Variants in HSP90AA1 observed in about 807,000 individuals in gnomAD.
HSP90AA1 encodes heat shock protein 90 alpha family class A member 1, also known as heat shock protein HSP 90-alpha.
HSP90AA1 carries 18 observed loss-of-function variants against 73.3 expected under a neutral mutation model. The observed-to-expected ratio is 0.25, with a 90% CI of 0.17 to 0.36. The LOEUF (loss-of-function observed/expected upper bound fraction) is 0.36, where lower values mean the gene tolerates loss of function less well. Ranked by LOEUF, HSP90AA1 falls within the 10% of genes least tolerant of loss-of-function variation. The probability of loss-of-function intolerance (pLI) is 1.00; values close to 1 mark genes in which losing one functional copy is unlikely to be tolerated. For synonymous variants in HSP90AA1, 477 were observed against 296.9 expected (o/e 1.61, Z -6.24); for missense variants, 704 against 874.2 (o/e 0.81, Z 2.45).
At chr14:102,136,178 G>T (rs77352203) in intron 1 of HSP90AA1, among the ~76,000 whole-genome samples, 1 of 152,210 alleles carries the variant, frequency 6.6e-6, no homozygotes, top group Non-Finnish European at 1.5e-5. Context: ...TTTGGTAGTT[G>T]TTTAGAAGGA....
chr14:102,105,933 G>A (rs1295420143), intron 1 of HSP90AA1, among the ~76,000 whole-genome samples: 2 of 152,082 alleles, frequency 1.3e-5, no homozygotes, highest in East Asian at 1.9e-4. Flanking sequence ...AGCCGGGTGT[G>A]GTGGTATGCA....
Position 102,082,268 on chromosome 14 carries a change from C to A in HSP90AA1, c.1932G>T (p.Glu644Asp), listed in dbSNP as rs911442924. Residue 644 changes from glutamate to aspartate, a missense_variant, in exon 10 of 11, where the codon GAG (glutamate) becomes GAT (aspartate). Glu to Asp is a conservative substitution (Grantham distance 45). Transcript: ENST00000216281. ...CAGCCTCTGCCTTTTGCCTTAAGGT[C>A]TCAATAATGGAATGGTCAGGGTTTA... ...LEINPDHSII[E>D]TLRQKAEADK... 1 of 1,613,810 alleles carries A rather than the reference C, an allele frequency of 6.2e-7. No individual in the cohort carries two copies. The highest frequency in any genetic ancestry group is 8.5e-7 in the Non-Finnish European group (1 of 1,179,856).
Position 102,081,439 on chromosome 14 carries a change from G to A in HSP90AA1, c.*273C>T, listed in dbSNP as rs1465175695. 12 of 506,154 alleles carry A rather than the reference G, an allele frequency of 2.4e-5. No homozygotes were observed. Among genetic ancestry groups the A allele is most frequent in the Non-Finnish European group, 4.3e-5 (12 of 282,056 alleles). 31.4% of individuals were successfully genotyped at this position (506,154 alleles called of 1,614,324 possible). A position where few individuals can be genotyped will look rare whatever the true frequency, so the allele number is the denominator to read the frequency against. The stretch of plus-strand genomic sequence containing the variant: ...ACAGCTAAACACTTTAGACCACAAA[G>A]TTAACATCATGTTACATACGTCTTA... On this transcript the variant is annotated 3_prime_UTR_variant, in exon 11 of 11. Transcript: ENST00000216281.
intron 6 of HSP90AA1, 102 bp downstream of exon 6, chr14:102,084,297 C>CG (rs1244273583): frequency 1.0e-5 from 11 of 1,097,590 alleles, no homozygotes; most frequent in Non-Finnish European, 1.5e-5. Context: ...CTGCCCACCC[C>CG]GGCCTCCCAA....
At chr14:102,096,654 G>A (rs2049428800) in intron 2 of HSP90AA1, among the ~76,000 whole-genome samples, 1 of 152,208 alleles carries the variant, frequency 6.6e-6, no homozygotes, top group Non-Finnish European at 1.5e-5. Flanking sequence ...TCAAGACGCA[G>A]CACATGGCAC....
intron 2 of HSP90AA1, among the ~76,000 whole-genome samples, chr14:102,098,925 A>G (rs1702760143): frequency 6.6e-6 from 1 of 152,228 alleles, no homozygotes; most frequent in African/African-American, 2.4e-5. Context: ...CTCTTTCACT[A>G]GAGGACAGAA....
intron 1 of HSP90AA1, among the ~76,000 whole-genome samples, chr14:102,135,919 G>GA (rs1566739329): frequency 6.6e-6 from 1 of 152,226 alleles, no homozygotes; most frequent in Non-Finnish European, 1.5e-5. Flanking sequence ...CAAGCTGAGG[G>GA]AGTGGGCTCC....
In HSP90AA1 at chr14:102,082,353, G is replaced by A; in HGVS notation, c.1847C>T (p.Ala616Val). Residue 616 changes from alanine (A) to valine (V), a missense_variant, in exon 10 of 11, where the codon GCT becomes GTT. By Grantham distance (64) the Ala-to-Val change is moderately conservative. Coordinates refer to ENST00000216281, the MANE Select transcript of HSP90AA1 (RefSeq NM_005348.4). ...WTANMERIMK[A>V]QALRDNSTMG... ...TGTTGAGTTGTCTCTTAGGGCTTGA[G>A]CTTTCATGATTCTCTCCATGTTTGC... 6.2e-7 allele frequency: 1 copy of A among 1,613,994 alleles called. No homozygotes were observed. The highest frequency in any genetic ancestry group is 8.5e-7 in the Non-Finnish European group (1 of 1,179,884).
upstream of HSP90AA1, among the ~76,000 whole-genome samples, chr14:102,090,324 CCT>C (rs934162097): frequency 6.6e-6 from 1 of 152,220 alleles, no homozygotes; most frequent in Non-Finnish European, 1.5e-5. Flanking sequence ...AATGTGGTGC[CCT>C]CTCCTTCAGA....
chr14:102,084,596 G>A (rs748894660), intron 5 of HSP90AA1, 32 bp from the exon 6 acceptor site: 8 of 1,614,068 alleles, frequency 5.0e-6, no homozygotes, highest in East Asian at 4.5e-5. Context: ...AAGTACCAAT[G>A]AACAATGCAT....
chr14:102,085,471 T>C, intron 3 of HSP90AA1, 40 bp from the exon 4 acceptor site: 3 of 1,559,102 alleles, frequency 1.9e-6, no homozygotes, highest in South Asian at 1.1e-5. Context: ...ATACATTCAA[T>C]TTAGTGCTCA....
chr14:102,095,773 C>T (rs762737919), intron 2 of HSP90AA1, among the ~76,000 whole-genome samples: 7 of 152,162 alleles, frequency 4.6e-5, no homozygotes, highest in Non-Finnish European at 8.8e-5. Flanking sequence ...TCCTTTAAAA[C>T]GTTCTTTCTC....
At chr14:102,132,326 C>G (rs183621442) in intron 1 of HSP90AA1, among the ~76,000 whole-genome samples, 1 of 152,046 alleles carries the variant, frequency 6.6e-6, no homozygotes, top group Non-Finnish European at 1.5e-5. Flanking sequence ...GAGACCGTAC[C>G]ACTGCATTCC....
At chr14:102,123,572 C>A (rs764189713) in intron 1 of HSP90AA1, among the ~76,000 whole-genome samples, 9 of 150,678 alleles carry the variant, frequency 6.0e-5, no homozygotes, top group Non-Finnish European at 1.2e-4. Flanking sequence ...GATTGCATCT[C>A]ACTATGTTGT....
At chr14:102,113,644 G>A (rs2049670092) in intron 1 of HSP90AA1, among the ~76,000 whole-genome samples, 2 of 151,598 alleles carry the variant, frequency 1.3e-5, no homozygotes, top group African/African-American at 2.4e-5. Context: ...GCCTCCCAGA[G>A]TGCTGGGATA....
At chr14:102,113,466 C>T (rs535154497) in intron 1 of HSP90AA1, among the ~76,000 whole-genome samples, 1 of 151,234 alleles carries the variant, frequency 6.6e-6, no homozygotes, top group Non-Finnish European at 1.5e-5. Context: ...CTGTAACCTC[C>T]GCCTCCCAGG....
chr14:102,124,416 C>T (rs1410478617), intron 1 of HSP90AA1, among the ~76,000 whole-genome samples: 1 of 152,132 alleles, frequency 6.6e-6, no homozygotes, highest in Non-Finnish European at 1.5e-5. Context: ...TGGTCTTGAA[C>T]TCCTAACCTC....
At chr14:102,084,011 G>C in intron 6 of HSP90AA1, 28 bp from the exon 7 acceptor site, 1 of 1,552,746 alleles carries the variant, frequency 6.4e-7, no homozygotes, top group East Asian at 2.2e-5. Context: ...CAAATGCACT[G>C]AGTCATTCCA....
At chr14:102,124,944 T>C (rs2049822922) in intron 1 of HSP90AA1, among the ~76,000 whole-genome samples, 1 of 152,174 alleles carries the variant, frequency 6.6e-6, no homozygotes, top group Non-Finnish European at 1.5e-5. Flanking sequence ...TTGCTATAGA[T>C]GAGAAAGACA....
Sources: allele counts gnomAD v4.1 joint callset (sites outside exome capture counted in the v4.1 genomes callset), GRCh38; gene constraint gnomAD v4.1.1; transcripts MANE v1.5; gene names NCBI Gene and HGNC (gene_info 2026-07-23, HGNC 2026-07-21).